The following MGAT4C variants were observed in gnomAD, a reference collection of about 807,000 sequenced individuals.
The protein encoded by MGAT4C is MGAT4 family member C.
MGAT4C carries 19 observed loss-of-function variants against 40.1 expected under a neutral mutation model. The observed-to-expected ratio is 0.47, with a 90% confidence interval of 0.33 to 0.70. The LOEUF (loss-of-function observed/expected upper bound fraction) is 0.70. Ranked by LOEUF, MGAT4C falls within the 30% of genes least tolerant of loss-of-function variation. MGAT4C has a pLI of 0.02. For missense variants in MGAT4C, 491 were observed against 563.2 expected (o/e 0.87, Z 1.30); for synonymous variants, 181 against 187.1 (o/e 0.97, Z 0.27).
chr12:86,023,691 A>G (rs1889987944), intron 2 of MGAT4C, among the ~76,000 whole-genome samples: 1 of 150,976 alleles, frequency 6.6e-6, no homozygotes, highest in Non-Finnish European at 1.5e-5. Context: ...AACACATAAT[A>G]CTGTTGTTTG....
At chr12:86,115,955 G>A (rs532970144) in intron 1 of MGAT4C, among the ~76,000 whole-genome samples, 2 of 152,012 alleles carry the variant, frequency 1.3e-5, no homozygotes, top group African/African-American at 4.8e-5. Context: ...TCTGAGAACC[G>A]AGGTTTAGGA....
intron 4 of MGAT4C, chr12:86,333,972 A>G (rs1345569994): frequency 6.6e-6 from 1 of 152,148 alleles, no homozygotes; most frequent in Admixed American, 6.6e-5. Context: ...AATCAAGACT[A>G]TCTCATTATA....
intron 1 of MGAT4C, among the ~76,000 whole-genome samples, chr12:86,771,596 C>T (rs1427476690): frequency 6.6e-6 from 1 of 151,742 alleles, no homozygotes; most frequent in Non-Finnish European, 1.5e-5. Flanking sequence ...GCCTGTAATC[C>T]CAGACTTTGG....
chr12:86,591,143 G>T (rs1157272052), intron 2 of MGAT4C, among the ~76,000 whole-genome samples: 1 of 151,948 alleles, frequency 6.6e-6, no homozygotes, highest in African/African-American at 2.4e-5. Flanking sequence ...AAAAGGAGTT[G>T]GGTTTTGTCA....
At chr12:86,537,787 T>C (rs1412921135) in intron 2 of MGAT4C, among the ~76,000 whole-genome samples, 1 of 152,198 alleles carries the variant, frequency 6.6e-6, no homozygotes, top group African/African-American at 2.4e-5. Flanking sequence ...CATTGGTTGA[T>C]ACAAATAATT....
Position 86,090,279 on chromosome 12 carries a change from G to T in MGAT4C, c.-56-40556C>A, listed in dbSNP as rs138795368. Among the ~76,000 whole-genome samples the T allele has an allele frequency of 7.5e-3, 1,131 of 151,526 alleles. 9 individuals carry two copies. Among genetic ancestry groups the T allele is most frequent in the Non-Finnish European group, 0.011 (768 of 67,674 alleles). ...TTCATGCCATATTCATAAAGTTTAT[G>T]CATATATTCATTTAAAAACTTTATA... On this transcript the variant is annotated intron_variant, in intron 1 of 4. Transcript: ENST00000611864.
At chr12:86,640,605 A>G (rs1187512744) in intron 2 of MGAT4C, among the ~76,000 whole-genome samples, 1 of 151,792 alleles carries the variant, frequency 6.6e-6, no homozygotes. Context: ...TATTTCCTTC[A>G]GTTCTACTCT....
intron 1 of MGAT4C, among the ~76,000 whole-genome samples, chr12:86,123,879 G>A (rs747935907): frequency 2.6e-4 from 39 of 151,984 alleles, no homozygotes; most frequent in Non-Finnish European, 8.8e-5. Context: ...GAAATTACTA[G>A]AAAGTCCCTT....
intron 3 of MGAT4C, among the ~76,000 whole-genome samples, chr12:86,358,114 G>A (rs537589909): frequency 6.6e-6 from 1 of 152,200 alleles, no homozygotes; most frequent in Non-Finnish European, 1.5e-5. Flanking sequence ...AAGCCCATCA[G>A]ATTAATAGCT....
chr12:86,127,710 A>C (rs1379573617), intron 1 of MGAT4C, among the ~76,000 whole-genome samples: 1 of 152,136 alleles, frequency 6.6e-6, no homozygotes, highest in African/African-American at 2.4e-5. Context: ...TTTGCTCTGT[A>C]AACATTTTGT....
intron 1 of MGAT4C, among the ~76,000 whole-genome samples, chr12:86,245,228 C>T (rs938648489): frequency 1.3e-5 from 2 of 152,228 alleles, no homozygotes; most frequent in African/African-American, 2.4e-5. Flanking sequence ...ATCTCAGACA[C>T]TCCGTCCAGC....
chr12:86,730,246 A>T (rs1453400418), intron 1 of MGAT4C, among the ~76,000 whole-genome samples: 1 of 152,098 alleles, frequency 6.6e-6, no homozygotes, highest in Non-Finnish European at 1.5e-5. Flanking sequence ...GCTACTTGAT[A>T]GATTAAAATT....
chr12:86,315,030 C>G (rs1304847361), intron 4 of MGAT4C, among the ~76,000 whole-genome samples: 1 of 149,132 alleles, frequency 6.7e-6, no homozygotes, highest in South Asian at 2.1e-4. Context: ...AAAAAACAAG[C>G]CTGAATAGCC....
chr12:86,641,555 G>T (rs183250298), intron 2 of MGAT4C, among the ~76,000 whole-genome samples: 20 of 151,632 alleles, frequency 1.3e-4, no homozygotes, highest in Admixed American at 1.3e-3. Flanking sequence ...AAAAATAAAA[G>T]AATTCTAAGG....
chr12:86,385,606 C>G (rs1956035552), intron 3 of MGAT4C, among the ~76,000 whole-genome samples: 1 of 152,218 alleles, frequency 6.6e-6, no homozygotes, highest in African/African-American at 2.4e-5. Flanking sequence ...TTGTCAGCCT[C>G]ATCTCTTGCT....
chr12:86,083,575 C>T (rs1168317820), intron 1 of MGAT4C, among the ~76,000 whole-genome samples: 1 of 151,932 alleles, frequency 6.6e-6, no homozygotes, highest in Non-Finnish European at 1.5e-5. Flanking sequence ...AATAAAATCA[C>T]AGAGACACGA....
At chr12:85,988,446 C>T (rs1239247783) in intron 3 of MGAT4C, among the ~76,000 whole-genome samples, 7 of 151,982 alleles carry the variant, frequency 4.6e-5, no homozygotes, top group Admixed American at 6.6e-5. Flanking sequence ...CTTGTTAAGA[C>T]ACTAATTTAA....
At chr12:86,695,233 G>A (rs898357642) in intron 2 of MGAT4C, among the ~76,000 whole-genome samples, 3 of 152,168 alleles carry the variant, frequency 2.0e-5, no homozygotes, top group East Asian at 1.9e-4. Context: ...ATCTCATCCC[G>A]GTTAAAATGG....
rs1883393103 is a variant in MGAT4C, at chr12:85,966,855, A to G, written c.*12434T>C. 6.7e-6 allele frequency: 1 copy of G among 148,566 alleles called. No individual in the cohort carries two copies. The highest frequency in any genetic ancestry group is 2.2e-4 in the South Asian group (1 of 4,456). The allele number at this position is 148,566 out of a possible 1,614,324, so 9.2% of individuals were successfully genotyped here. On this transcript the variant is annotated 3_prime_UTR_variant, in exon 5 of 5. Transcript: ENST00000611864. Reference sequence around the variant, plus strand: ...GGTGGGAACTGAACATTGAGAACACATAGACACAGGAAGGGGAACATCACA... The same window carrying G: ...GGTGGGAACTGAACATTGAGAACACGTAGACACAGGAAGGGGAACATCACA...
Sources: gnomAD v4.1 joint callset for allele counts (sites outside exome capture counted in the v4.1 genomes callset) on GRCh38, gnomAD v4.1.1 for gene constraint, MANE v1.5 for transcripts, NCBI Gene and HGNC (gene_info 2026-07-23, HGNC 2026-07-21) for gene names.